Variants in CCDC73 observed in about 807,000 individuals in gnomAD.
CCDC73 encodes coiled-coil domain-containing protein 73.
Under a neutral mutation model 116.5 loss-of-function variants are expected in CCDC73, and 95 were observed. That is an observed-to-expected ratio of 0.82 (90% CI 0.69 to 0.97). CCDC73 has a LOEUF of 0.97. CCDC73 is among the 50% of genes least tolerant of loss of function. The probability of loss-of-function intolerance (pLI) is 0.00; values close to 1 mark genes in which losing one functional copy is unlikely to be tolerated. For synonymous variants in CCDC73, 398 were observed against 401.3 expected (o/e 0.99, Z 0.10); for missense variants, 1,066 against 1,206.8 (o/e 0.88, Z 1.73).
intron 6 of CCDC73, among the ~76,000 whole-genome samples, chr11:32,684,620 G>C (rs754887990): frequency 6.6e-6 from 1 of 152,070 alleles, no homozygotes; most frequent in African/African-American, 2.4e-5. Flanking sequence ...CTTGTATCTA[G>C]ACTTTTAAAG....
At chr11:32,619,540 GC>G (rs1455745635) in intron 14 of CCDC73, among the ~76,000 whole-genome samples, 1 of 152,072 alleles carries the variant, frequency 6.6e-6, no homozygotes, top group East Asian at 1.9e-4. Context: ...GGGTGCGGTG[GC>G]ACACACCTGT....
At chr11:32,810,630 T>G in the CCDC73 span, among the ~76,000 whole-genome samples, 1 of 152,166 alleles carries the variant, frequency 6.6e-6, no homozygotes, top group African/African-American at 2.4e-5. Context: ...TAATATAGAA[T>G]AATAAGAGAA....
intron 1 of CCDC73, among the ~76,000 whole-genome samples, chr11:32,776,705 A>G (rs1390403586): frequency 6.6e-6 from 1 of 151,672 alleles, no homozygotes; most frequent in Admixed American, 6.6e-5. Flanking sequence ...GAATTCTCCA[A>G]TTCTTTGTAT....
chr11:32,760,992 T>C (rs893495661), intron 1 of CCDC73, among the ~76,000 whole-genome samples: 1 of 152,204 alleles, frequency 6.6e-6, no homozygotes, highest in Admixed American at 6.5e-5. Context: ...TGTCTGTGTG[T>C]ATATATGCTT....
intron 2 of CCDC73, chr11:32,758,244 G>A (rs75367946): frequency 3.0e-6 from 1 of 328,560 alleles, no homozygotes; most frequent in Non-Finnish European, 6.2e-6. Context: ...CTTCATCCAG[G>A]GATGGCATCT....
rs1565067265 is a variant in CCDC73 at position 32,653,968 on chromosome 11, G to A, written c.834+10C>T. 1.3e-6 allele frequency: 2 copies of A among 1,594,416 alleles called. No individual in the cohort carries two copies. The highest frequency in any genetic ancestry group is 3.5e-5 in the Admixed American group (2 of 57,150). ...ATTTACTGGCTTCCAAATAGCTTAT[G>A]ATTGCTTACCTGTTTTTCTTCTTGA... On this transcript the variant is annotated intron_variant, in intron 11 of 17. Transcript: ENST00000335185.
chr11:32,783,357 T>C (rs935814112), intron 1 of CCDC73, among the ~76,000 whole-genome samples: 3 of 152,216 alleles, frequency 2.0e-5, no homozygotes, highest in Non-Finnish European at 4.4e-5. Context: ...TTACCTTCTA[T>C]GCACCCTTTC....
chr11:32,624,430 T>C (rs898076554), intron 14 of CCDC73, among the ~76,000 whole-genome samples: 4 of 152,180 alleles, frequency 2.6e-5, no homozygotes, highest in African/African-American at 7.2e-5. Context: ...CCTAAAGAAA[T>C]AGTCACAAAC....
chr11:32,716,248 G>C (rs1323001010), intron 3 of CCDC73, among the ~76,000 whole-genome samples: 1 of 152,064 alleles, frequency 6.6e-6, no homozygotes, highest in African/African-American at 2.4e-5. Flanking sequence ...TTTTTCTTCA[G>C]ATGGAATCCA....
intron 2 of CCDC73, among the ~76,000 whole-genome samples, chr11:32,725,004 A>G (rs532572954): frequency 3.9e-5 from 6 of 152,264 alleles, no homozygotes; most frequent in Non-Finnish European, 8.8e-5. Context: ...TTTTTTTCAA[A>G]TATTATCATT....
At chr11:32,740,144 CTTTCTTTTTT>C (rs1850170862) in intron 2 of CCDC73, among the ~76,000 whole-genome samples, 2 of 75,366 alleles carry the variant, frequency 2.7e-5, no homozygotes, top group South Asian at 9.7e-4. Flanking sequence ...TTTTCTTTTT[CTTTCTTTTTT>C]TTGTAATGTG....
intron 2 of CCDC73, among the ~76,000 whole-genome samples, chr11:32,757,635 G>C (rs1000276302): frequency 2.0e-5 from 3 of 152,170 alleles, no homozygotes; most frequent in African/African-American, 7.2e-5. Flanking sequence ...CCATTTCCTT[G>C]CTTCTTCCAG....
chr11:32,719,122 G>C (rs1849969472), intron 2 of CCDC73, among the ~76,000 whole-genome samples: 1 of 152,162 alleles, frequency 6.6e-6, no homozygotes, highest in African/African-American at 2.4e-5. Context: ...AAGTGGGAAG[G>C]CCCAATGCCA....
intron 2 of CCDC73, among the ~76,000 whole-genome samples, chr11:32,755,823 A>G (rs1225451044): frequency 1.1e-4 from 15 of 134,386 alleles, no homozygotes; most frequent in Admixed American, 3.2e-4. Flanking sequence ...CTCCATATAT[A>G]TGTGTGTGTA....
chr11:32,820,327 G>GT, the CCDC73 span, among the ~76,000 whole-genome samples: 12 of 151,598 alleles, frequency 7.9e-5, 1 homozygote, highest in African/African-American at 1.7e-4. Context: ...TAATTTTTCA[G>GT]TTTTTTTTGT....
At chr11:32,673,387 TATTA>T (rs1192650697) in intron 9 of CCDC73, among the ~76,000 whole-genome samples, 1 of 152,210 alleles carries the variant, frequency 6.6e-6, no homozygotes, top group South Asian at 2.1e-4. Flanking sequence ...AAAAATAGTT[TATTA>T]ATTAAAATAT....
At chr11:32,749,663 G>A (rs1209152348) in intron 2 of CCDC73, among the ~76,000 whole-genome samples, 1 of 151,830 alleles carries the variant, frequency 6.6e-6, no homozygotes, top group African/African-American at 2.4e-5. Flanking sequence ...ATCCTTCTTG[G>A]GAAGGCTTTC....
intron 14 of CCDC73, among the ~76,000 whole-genome samples, chr11:32,617,393 C>CGTAT (rs138361690): frequency 0.048 from 7,288 of 152,274 alleles, 197 homozygotes; most frequent in African/African-American, 0.064. Context: ...TACTATTATA[C>CGTAT]ACTCTAATGT....
intron 3 of CCDC73, among the ~76,000 whole-genome samples, chr11:32,711,151 G>T (rs1036153047): frequency 6.6e-6 from 1 of 152,140 alleles, no homozygotes; most frequent in Admixed American, 6.5e-5. Context: ...ATAGATGTTG[G>T]TGTGGAGGTG....
Sources: gnomAD v4.1 joint callset for allele counts (sites outside exome capture counted in the v4.1 genomes callset) on GRCh38, gnomAD v4.1.1 for gene constraint, MANE v1.5 for transcripts, NCBI Gene and HGNC (gene_info 2026-07-23, HGNC 2026-07-21) for gene names.